The following MRTFA variants were observed in gnomAD, a reference collection of about 807,000 sequenced individuals.
MRTFA encodes the protein myocardin related transcription factor A, also known as myocardin-related transcription factor A.
In MRTFA, 20 loss-of-function variants were observed where a neutral mutation model predicts 83.5. That is an observed-to-expected ratio of 0.24 (90% CI 0.17 to 0.35). MRTFA has a LOEUF of 0.35. Ranked by LOEUF, MRTFA falls within the 10% of genes least tolerant of loss-of-function variation. MRTFA has a pLI of 1.00. For synonymous variants in MRTFA, 659 were observed against 541.2 expected (o/e 1.22, Z -3.02); for missense variants, 1,200 against 1,224.7 (o/e 0.98, Z 0.30).
intron 1 of MRTFA, among the ~76,000 whole-genome samples, chr22:40,601,671 T>C (rs2056260393): frequency 6.6e-6 from 1 of 152,226 alleles, no homozygotes; most frequent in South Asian, 2.1e-4. Flanking sequence ...TACTGATTAA[T>C]TCTGAATGAC....
chr22:40,579,218 G>A (rs546040007), intron 2 of MRTFA, among the ~76,000 whole-genome samples: 1 of 152,144 alleles, frequency 6.6e-6, no homozygotes, highest in African/African-American at 2.4e-5. Context: ...TCTTGTGAAG[G>A]CATGCATATC....
chr22:40,421,190 C>G, intron 9 of MRTFA, 90 bp from the exon 10 acceptor site: 1 of 1,402,852 alleles, frequency 7.1e-7, no homozygotes, highest in Non-Finnish European at 9.6e-7. Flanking sequence ...TGTGTGGCTT[C>G]TGAGAAGACA....
At chr22:40,548,303 G>A (rs1300562445) in intron 3 of MRTFA, among the ~76,000 whole-genome samples, 3 of 136,114 alleles carry the variant, frequency 2.2e-5, no homozygotes, top group Non-Finnish European at 3.0e-5. Context: ...AGCTTGCCGT[G>A]AGCCGAGATC....
At position 40,417,079 on chromosome 22, in the gene MRTFA, A is replaced by C. The variant is rs752756683; in HGVS notation, c.2518-33T>G. On this transcript the variant is annotated intron_variant, in intron 13 of 14. Transcript: ENST00000355630. The stretch of plus-strand genomic sequence containing the variant: ...ACAAAGGAAAAAAAAAAAAGAGATA[A>C]AAATCTTGAATGGGGGCTCCCAGCC... 109 of 1,552,756 alleles carry C rather than the reference A, an allele frequency of 7.0e-5. 1 individual carries two copies. The South Asian group carries it at 1.2e-3, about 18-fold the overall frequency.
chr22:40,422,923 G>A (rs766354143), intron 9 of MRTFA, among the ~76,000 whole-genome samples: 7 of 152,356 alleles, frequency 4.6e-5, no homozygotes, highest in Middle Eastern at 3.4e-3. Flanking sequence ...TCAGGGAGGC[G>A]TGGGCCAGGC....
chr22:40,480,614 G>A (rs1388265387), intron 3 of MRTFA, among the ~76,000 whole-genome samples: 1 of 152,046 alleles, frequency 6.6e-6, no homozygotes, highest in Non-Finnish European at 1.5e-5. Context: ...ATTCCAAAAG[G>A]AATCGAGATT....
At position 40,420,537 on chromosome 22, in the gene MRTFA, T is replaced by TG. The variant is rs34028511; in HGVS notation, c.1220dup (p.Val408SerfsTer9). 6.2e-6 allele frequency: 10 copies of TG among 1,613,582 alleles called. No individual in the cohort carries two copies. The highest frequency in any genetic ancestry group is 2.5e-6 in the Non-Finnish European group (3 of 1,180,006). ...TATTGGTAGTGGAGAGGCTGCGTAC[T>TG]GGGGGGGTCCCGCTGCTTCCCAGGG... On this transcript the variant is annotated frameshift_variant, in exon 11 of 15. Coordinates refer to ENST00000355630, the MANE Select transcript of MRTFA (RefSeq NM_020831.6). LOFTEE classifies it high-confidence loss of function.
rs1001636025 is a variant in MRTFA, at chr22:40,411,750, T to C, written c.2736A>G (p.Gly912=). The change falls in exon 15 of 15, where the codon GGA becomes GGG. Residue 912 remains glycine, a synonymous_variant. Coordinates refer to ENST00000355630, the MANE Select transcript of MRTFA (RefSeq NM_020831.6). ...TGCTCTCCAGGAAGTCCTCCAGGCG[T>C]CCAGGGAGGGAGGGTGAGCCTGGAG... 1 of 1,545,688 alleles carries C rather than the reference T, an allele frequency of 6.5e-7. No individual in the cohort carries two copies. The highest frequency in any genetic ancestry group is 8.8e-7 in the Non-Finnish European group (1 of 1,139,608).
intron 3 of MRTFA, among the ~76,000 whole-genome samples, chr22:40,546,109 G>C (rs569558145): frequency 6.6e-6 from 1 of 152,132 alleles, no homozygotes; most frequent in Non-Finnish European, 1.5e-5. Flanking sequence ...CTCAACACAC[G>C]GTACACCCAT....
chr22:40,533,734 T>C (rs2055121243), intron 3 of MRTFA: 1 of 585,472 alleles, frequency 1.7e-6, no homozygotes, highest in Non-Finnish European at 2.5e-6. Context: ...TTCAATCTGA[T>C]GCCTTATGCT....
intron 3 of MRTFA, chr22:40,519,468 G>A: frequency 3.0e-6 from 4 of 1,339,992 alleles, no homozygotes; most frequent in Non-Finnish European, 4.0e-6. Flanking sequence ...ACCTACCAGT[G>A]CTGCCCTCTC....
chr22:40,418,968 C>T lies in MRTFA; in HGVS notation c.1770G>A (p.Gln590=). Residue 590 remains glutamine, a synonymous_variant, in exon 12 of 15, where the codon CAG becomes CAA. Coordinates refer to ENST00000355630, the MANE Select transcript of MRTFA (RefSeq NM_020831.6). ...TCACGAGGATCTGCAGTGGCGAGGC[C>T]TGCAGGGTCAGCTGCGTCAGAGGTG... The T allele has an allele frequency of 6.2e-7, 1 of 1,612,910 alleles. No homozygotes were observed. Among genetic ancestry groups the T allele is most frequent in the Non-Finnish European group, 8.5e-7 (1 of 1,179,948 alleles).
At chr22:40,455,396 C>T (rs2053564154) in intron 4 of MRTFA, among the ~76,000 whole-genome samples, 1 of 151,820 alleles carries the variant, frequency 6.6e-6, no homozygotes, top group Non-Finnish European at 1.5e-5. Context: ...CCTGTAATCC[C>T]AGCACTTTGG....
At chr22:40,608,501 G>A (rs890698625) in intron 1 of MRTFA, among the ~76,000 whole-genome samples, 1 of 152,194 alleles carries the variant, frequency 6.6e-6, no homozygotes, top group African/African-American at 2.4e-5. Flanking sequence ...GATAATTACA[G>A]TGCACCAGGT....
intron 3 of MRTFA, among the ~76,000 whole-genome samples, chr22:40,504,286 G>A (rs2054544938): frequency 6.6e-6 from 1 of 152,128 alleles, no homozygotes; most frequent in Non-Finnish European, 1.5e-5. Flanking sequence ...ATTTAAGGCA[G>A]AAGGATCACC....
chr22:40,518,856 C>T (rs1320265604), intron 3 of MRTFA, among the ~76,000 whole-genome samples: 1 of 146,128 alleles, frequency 6.8e-6, no homozygotes, highest in African/African-American at 2.5e-5. Context: ...GCACTGTAAA[C>T]TCTAAGTGTT....
Position 40,574,425 on chromosome 22 carries a change from G to GTTA in MRTFA, c.-22+20246_-22+20248dup, listed in dbSNP as rs1184148170. Among the ~76,000 whole-genome samples the GTTA allele has an allele frequency of 9.9e-4, 149 of 150,884 alleles. 1 individual carries two copies. Among genetic ancestry groups the GTTA allele is most frequent in the East Asian group, 2.4e-3 (12 of 5,086 alleles). On this transcript the variant is annotated intron_variant, in intron 2 of 14. Transcript: ENST00000355630. ...ACAACTACAGCATTACACTGCATTA[G>GTTA]TTATTATTATTATTATTTTTTTTTT...
chr22:40,518,956 T>C (rs928021685), intron 3 of MRTFA, among the ~76,000 whole-genome samples: 30 of 151,998 alleles, frequency 2.0e-4, no homozygotes, highest in African/African-American at 5.5e-4. Flanking sequence ...GTCTCTTTTA[T>C]GTTTTCGTGA....
chr22:40,622,481 C>CAA (rs133041), intron 1 of MRTFA, among the ~76,000 whole-genome samples: 1 of 133,862 alleles, frequency 7.5e-6, no homozygotes, highest in Non-Finnish European at 1.6e-5. Context: ...ACTCCCATCT[C>CAA]AAAAAAAAAA....
Sources: gnomAD v4.1 joint callset for allele counts (sites outside exome capture counted in the v4.1 genomes callset) on GRCh38, gnomAD v4.1.1 for gene constraint, MANE v1.5 for transcripts, NCBI Gene and HGNC (gene_info 2026-07-23, HGNC 2026-07-21) for gene names.